Variants in PRKG1 observed in about 807,000 individuals in gnomAD.
PRKG1 encodes protein kinase cGMP-dependent 1.
PRKG1 carries 35 observed loss-of-function variants against 88.1 expected under a neutral mutation model. The observed-to-expected ratio is 0.40, with a 90% CI of 0.30 to 0.53. The LOEUF is 0.53. Ranked by LOEUF, PRKG1 falls within the 20% of genes least tolerant of loss-of-function variation. The probability of loss-of-function intolerance (pLI) is 0.59; values close to 1 mark genes in which losing one functional copy is unlikely to be tolerated. For synonymous variants in PRKG1, 303 were observed against 292.5 expected, an observed-to-expected ratio of 1.04 and a Z score of -0.37; for missense variants, 540 against 839.8, an observed-to-expected ratio of 0.64 and a Z score of 4.41.
chr10:51,045,698 T>G (rs1045664423), intron 1 of PRKG1, among the ~76,000 whole-genome samples: 4 of 152,246 alleles, frequency 2.6e-5, no homozygotes, highest in Admixed American at 2.6e-4. Flanking sequence ...GTAATCACCA[T>G]AAAACTTCGT....
At chr10:52,240,150 A>G (rs1289235203) in intron 9 of PRKG1, among the ~76,000 whole-genome samples, 2 of 152,226 alleles carry the variant, frequency 1.3e-5, no homozygotes, top group Non-Finnish European at 2.9e-5. Context: ...GCACTGCATT[A>G]AAAACTACAG....
chr10:51,017,762 G>T (rs1199815243), intron 1 of PRKG1, among the ~76,000 whole-genome samples: 1 of 151,682 alleles, frequency 6.6e-6, no homozygotes, highest in African/African-American at 2.4e-5. Flanking sequence ...AGTTGCAAAA[G>T]CCCCAATTGC....
intron 2 of PRKG1, among the ~76,000 whole-genome samples, chr10:51,214,535 G>A (rs996601736): frequency 1.3e-5 from 2 of 151,904 alleles, no homozygotes; most frequent in African/African-American, 4.8e-5. Context: ...AGGCTGGAGC[G>A]CAGTGGCATG....
At chr10:51,810,970 GA>G (rs1364223160) in intron 4 of PRKG1, among the ~76,000 whole-genome samples, 2 of 152,146 alleles carry the variant, frequency 1.3e-5, no homozygotes, top group African/African-American at 4.8e-5. Flanking sequence ...AGGATTAAAT[GA>G]TTTTAGATTT....
intron 4 of PRKG1, among the ~76,000 whole-genome samples, chr10:51,830,115 A>G (rs1839968010): frequency 6.6e-6 from 1 of 152,058 alleles, no homozygotes; most frequent in Non-Finnish European, 1.5e-5. Context: ...TGGATTTGAT[A>G]TGTTCTATAC....
At chr10:52,267,018 T>C (rs1357835425) in intron 10 of PRKG1, among the ~76,000 whole-genome samples, 2 of 149,244 alleles carry the variant, frequency 1.3e-5, no homozygotes, top group African/African-American at 5.0e-5. Context: ...AGTAATTTCA[T>C]AGCTCTAACC....
chr10:51,362,931 T>C (rs1842514398), intron 2 of PRKG1, among the ~76,000 whole-genome samples: 1 of 151,886 alleles, frequency 6.6e-6, no homozygotes, highest in South Asian at 2.1e-4. Context: ...AAGGCCAAGC[T>C]TTATGTAGTG....
chr10:52,074,821 GA>G (rs1846590828), intron 7 of PRKG1, among the ~76,000 whole-genome samples: 1 of 152,114 alleles, frequency 6.6e-6, no homozygotes, highest in Non-Finnish European at 1.5e-5. Context: ...ATTCTTGCCA[GA>G]AAAAAATTTG....
chr10:51,392,902 G>A (rs28692177), intron 2 of PRKG1, among the ~76,000 whole-genome samples: 9 of 61,786 alleles, frequency 1.5e-4, no homozygotes, highest in Non-Finnish European at 2.7e-4. Context: ...CTGGCCGGGT[G>A]GGGGGCTGAC....
intron 2 of PRKG1, among the ~76,000 whole-genome samples, chr10:51,199,892 G>T (rs1837868600): frequency 6.6e-6 from 1 of 152,138 alleles, no homozygotes; most frequent in South Asian, 2.1e-4. Flanking sequence ...AAATTCTGAT[G>T]ATAGTCCTTT....
chr10:51,037,043 T>C (rs528490802), intron 1 of PRKG1, among the ~76,000 whole-genome samples: 2 of 152,208 alleles, frequency 1.3e-5, no homozygotes, highest in Admixed American at 1.3e-4. Context: ...ATGTTTTGGA[T>C]GATTAATTTA....
At chr10:51,652,918 T>C (rs1311975268) in intron 3 of PRKG1, among the ~76,000 whole-genome samples, 4 of 152,208 alleles carry the variant, frequency 2.6e-5, no homozygotes, top group African/African-American at 7.2e-5. Context: ...TCTCTGTTTC[T>C]ACGAATTCAA....
intron 3 of PRKG1, among the ~76,000 whole-genome samples, chr10:51,639,286 T>A (rs778179914): frequency 2.0e-5 from 3 of 151,486 alleles, no homozygotes; most frequent in Non-Finnish European, 2.9e-5. Flanking sequence ...TGCAAAAAAT[T>A]AGCCAGCTGA....
intron 3 of PRKG1, among the ~76,000 whole-genome samples, chr10:51,740,588 T>C (rs1837408495): frequency 6.6e-6 from 1 of 152,200 alleles, no homozygotes; most frequent in African/African-American, 2.4e-5. Flanking sequence ...TGATATCGTG[T>C]AGCTTCTGTA....
chr10:51,904,902 A>G (rs543422971), intron 4 of PRKG1, among the ~76,000 whole-genome samples: 1 of 152,280 alleles, frequency 6.6e-6, no homozygotes, highest in Admixed American at 6.5e-5. Context: ...GGAAATGAAA[A>G]TACTGTATTA....
At chr10:52,026,273 T>A (rs1268208706) in intron 5 of PRKG1, among the ~76,000 whole-genome samples, 1 of 152,196 alleles carries the variant, frequency 6.6e-6, no homozygotes, top group Non-Finnish European at 1.5e-5. Flanking sequence ...TTATAATGTT[T>A]GATAATTGAG....
intron 1 of PRKG1, among the ~76,000 whole-genome samples, chr10:51,056,580 C>A (rs1843628595): frequency 6.6e-6 from 1 of 152,182 alleles, no homozygotes; most frequent in South Asian, 2.1e-4. Context: ...GTCTCCTTAA[C>A]CCTAGGCTTT....
chr10:50,991,948 C>A lies in PRKG1; in HGVS notation c.266+304C>A, dbSNP rs569732762. ...ACTCGCGCGGGCTAACTTGTGCCCT[C>A]CACACATGGCTGCAGTCGCGCGGCT... On this transcript the variant is annotated intron_variant, in intron 1 of 17. Coordinates refer to the PRKG1 transcript ENST00000401604. The surrounding 1 kb of genome is among the most constrained non-coding windows in gnomAD (Gnocchi z 4.5). 6.6e-6 allele frequency among the ~76,000 whole-genome samples: 1 copy of A among 151,798 alleles called. No homozygotes were observed. The highest frequency in any genetic ancestry group is 1.5e-5 in the Non-Finnish European group (1 of 67,946).
chr10:51,334,457 AAATG>A (rs1379608601), intron 2 of PRKG1, among the ~76,000 whole-genome samples: 1 of 152,190 alleles, frequency 6.6e-6, no homozygotes, highest in Non-Finnish European at 1.5e-5. Flanking sequence ...TTATTGTTAT[AAATG>A]AATGAATGAA....
Sources: gnomAD v4.1 joint callset for allele counts (sites outside exome capture counted in the v4.1 genomes callset) on GRCh38, gnomAD v4.1.1 for gene constraint, Gnocchi (gnomAD v3.1) non-coding constraint, MANE v1.5 for transcripts, NCBI Gene and HGNC (gene_info 2026-07-23, HGNC 2026-07-21) for gene names.